The following FKBP15 variants were observed in gnomAD, a reference collection of about 807,000 sequenced individuals.
FKBP15 encodes FKBP prolyl isomerase family member 15, also known as FK506-binding protein 15.
In FKBP15, 106 loss-of-function variants were observed where a neutral mutation model predicts 158.1. That is an observed-to-expected ratio of 0.67 (90% CI 0.57 to 0.79). FKBP15 has a LOEUF of 0.79. Ranked by LOEUF, FKBP15 falls within the 30% of genes least tolerant of loss-of-function variation. The probability of loss-of-function intolerance (pLI) is 0.00; values close to 1 mark genes in which losing one functional copy is unlikely to be tolerated. For synonymous variants in FKBP15, 547 were observed against 548.6 expected (o/e 1.00, Z 0.04); for missense variants, 1,287 against 1,479.1 (o/e 0.87, Z 2.13).
At chr9:113,194,393 G>A (rs2118910543) in intron 9 of FKBP15, among the ~76,000 whole-genome samples, 1 of 149,706 alleles carries the variant, frequency 6.7e-6, no homozygotes, top group East Asian at 2.0e-4. Context: ...ATGTGCACAT[G>A]TACCCTAAAA....
rs112703299 is a variant in FKBP15, at chr9:113,200,040, T to C, written c.499-77A>G. On this transcript the variant is annotated intron_variant, in intron 6 of 27. Coordinates refer to ENST00000238256, the MANE Select transcript of FKBP15 (RefSeq NM_015258.2). ...TCATTCCTTTATTGCTACTGCTCTT[T>C]CTCAAATAGCTTCATCCACTAACAA... The C allele has an allele frequency of 2.8e-3, 4,088 of 1,437,948 alleles. 87 individuals are homozygous for C. In the African/African-American group the frequency reaches 0.05, roughly 17 times the overall value. 89.1% of individuals were successfully genotyped at this position (1,437,948 alleles called of 1,614,324 possible).
chr9:113,210,705 C>A (rs1830984712), intron 2 of FKBP15, among the ~76,000 whole-genome samples: 1 of 152,120 alleles, frequency 6.6e-6, no homozygotes, highest in Non-Finnish European at 1.5e-5. Flanking sequence ...AGTCAGTGGA[C>A]TGGGAAAGGC....
intron 26 of FKBP15, 95 bp from the exon 27 acceptor site, chr9:113,168,651 T>G: frequency 1.9e-6 from 2 of 1,031,086 alleles, no homozygotes; most frequent in Non-Finnish European, 2.9e-6. Flanking sequence ...GGGTAAGAAT[T>G]CAACAGCGTT....
rs1830453380 is a variant in FKBP15 at position 113,184,525 on chromosome 9, T to TA, written c.1609-127dup. Reference sequence around the variant, plus strand: ...CTGGGACAATCTCTAACTGTTAAGTTAGAGTTTTCTCCTACTAACTGGATC... The same window carrying TA: ...CTGGGACAATCTCTAACTGTTAAGTTAAGAGTTTTCTCCTACTAACTGGATC... On this transcript the variant is annotated intron_variant, in intron 16 of 27. Transcript: ENST00000238256. The surrounding 1 kb of genome is among the most constrained non-coding windows in gnomAD (Gnocchi z 4.5). The TA allele has an allele frequency of 5.3e-6, 5 of 940,004 alleles. No homozygotes were observed. Among genetic ancestry groups the TA allele is most frequent in the South Asian group, 4.4e-5 (3 of 68,568 alleles). 58.2% of individuals were successfully genotyped at this position (940,004 alleles called of 1,614,324 possible).
chr9:113,171,690 G>T lies in FKBP15; in HGVS notation c.2549C>A (p.Ala850Asp). 6.3e-7 allele frequency: 1 copy of T among 1,596,658 alleles called. No individual in the cohort carries two copies. The highest frequency in any genetic ancestry group is 8.5e-7 in the Non-Finnish European group (1 of 1,171,236). Residue 850 changes from alanine (A) to aspartate (D), a missense_variant, in exon 24 of 28, where the codon GCC becomes GAC. Ala to Asp is a moderately radical substitution (Grantham distance 126). Coordinates refer to ENST00000238256, the MANE Select transcript of FKBP15 (RefSeq NM_015258.2). ...QLQEKCLALQ[A>D]QITALTKQNE... ...TTGCTTGGTGAGAGCTGTGATTTGGGCCTGGAGGGCTAAACACTGCAAAAC... is the reference window on the plus strand; with the variant it reads ...TTGCTTGGTGAGAGCTGTGATTTGGTCCTGGAGGGCTAAACACTGCAAAAC...
rs940896589 is a variant in FKBP15, at chr9:113,169,846, G to A, written c.2863C>T (p.Pro955Ser). The A allele has an allele frequency of 2.6e-6, 4 of 1,555,484 alleles. No individual in the cohort carries two copies. The Admixed American group carries it at 5.8e-5, about 23-fold the overall frequency. The change falls in exon 26 of 28, where the codon CCT becomes TCT. Residue 955 changes from proline to serine, a missense_variant. Transcript: ENST00000238256. Reference protein sequence around the residue: ...EEKAEERPRRPSQEQSASASS... With the variant: ...EEKAEERPRRSSQEQSASASS... ...GCTGAGGCTGACTGCTCCTGGGAAG[G>A]TCTTCGTGGCCGCTCTTCTGCTTTT...
At position 113,169,778 on chromosome 9, in the gene FKBP15, T is replaced by G; in HGVS notation, c.2931A>C (p.Pro977=). The G allele has an allele frequency of 6.2e-7, 1 of 1,600,174 alleles. No individual in the cohort carries two copies. Among genetic ancestry groups the G allele is most frequent in the Non-Finnish European group, 8.5e-7 (1 of 1,172,912 alleles). The change falls in exon 26 of 28, where the codon CCA becomes CCC. Residue 977 remains proline (P), a synonymous_variant. Transcript: ENST00000238256. ...GCTCTGAGGGCACCATGGGGGACTC[T>G]GGCCTCTCCCTATTCAGGGGTGCTT... is the stretch of plus-strand genomic sequence containing the variant. The part of the protein sequence containing the change: ...QPQAPLNRER[P]ESPMVPSEQV...
chr9:113,218,030 T>C (rs960341840), intron 1 of FKBP15, among the ~76,000 whole-genome samples: 1 of 152,112 alleles, frequency 6.6e-6, no homozygotes, highest in Non-Finnish European at 1.5e-5. Flanking sequence ...TGTTAGACAA[T>C]GCATTTAGTC....
intron 22 of FKBP15, 50 bp downstream of exon 22, chr9:113,174,378 A>G: frequency 6.3e-7 from 1 of 1,578,748 alleles, no homozygotes; most frequent in African/African-American, 1.4e-5. Context: ...TTTCTCTCTG[A>G]GTCCTTCACA....
At chr9:113,166,198 C>T in intron 27 of FKBP15, 43 bp from the exon 28 acceptor site, 3 of 1,536,718 alleles carry the variant, frequency 2.0e-6, no homozygotes, top group South Asian at 2.3e-5. Flanking sequence ...CTTGTGCCTG[C>T]ACCACTGGAC....
intron 20 of FKBP15, 33 bp downstream of exon 20, chr9:113,178,597 C>T (rs1830336830): frequency 6.4e-7 from 1 of 1,552,890 alleles, no homozygotes; most frequent in Non-Finnish European, 8.7e-7. Context: ...GTTTAAATGG[C>T]AACAATCCCA....
Position 113,199,795 on chromosome 9 carries a change from G to T in FKBP15, c.648+19C>A. ...GCTATATAAGTTTACAAAAGAACTTGCAGGGTGCATTTTCTTACCTGGCCC... is the reference window on the plus strand; with the variant it reads ...GCTATATAAGTTTACAAAAGAACTTTCAGGGTGCATTTTCTTACCTGGCCC... On this transcript the variant is annotated intron_variant, in intron 7 of 27. Coordinates refer to ENST00000238256, the MANE Select transcript of FKBP15 (RefSeq NM_015258.2). 2 of 1,606,554 alleles carry T rather than the reference G, an allele frequency of 1.2e-6. No individual in the cohort carries two copies. The highest frequency in any genetic ancestry group is 1.1e-5 in the South Asian group (1 of 89,642).
In FKBP15 at chr9:113,182,747, C is replaced by G. The variant is rs562883871; in HGVS notation, c.1914+19G>C. On this transcript the variant is annotated intron_variant, in intron 19 of 27. Coordinates refer to ENST00000238256, the MANE Select transcript of FKBP15 (RefSeq NM_015258.2). ...TCTACCCATCCTGACCTGGGCTTTT[C>G]TCTCCCCAGTTGCTTTACCTTCTCT... The G allele has an allele frequency of 3.1e-5, 50 of 1,604,898 alleles. No homozygotes were observed. The South Asian group carries it at 4.8e-4, about 16-fold the overall frequency.
rs1830268923 is a variant in FKBP15, at chr9:113,174,516, A to G, written c.2291T>C (p.Ile764Thr). ...RSQAEEEIDE[I>T]RKSYQEELDK... ...CAATTCCTCCTGGTATGACTTGCGA[A>G]TTTCATCTATCTCCTCCTCGGCCTG... is the stretch of plus-strand genomic sequence containing the variant. The change falls in exon 22 of 28, where the codon ATT becomes ACT. Residue 764 changes from isoleucine (I) to threonine (T), a missense_variant. By Grantham distance (89) the Ile-to-Thr change is moderately conservative. Transcript: ENST00000238256. The G allele has an allele frequency of 6.2e-7, 1 of 1,613,844 alleles. No homozygotes were observed. The highest frequency in any genetic ancestry group is 1.3e-5 in the African/African-American group (1 of 74,898).
intron 1 of FKBP15, 71 bp from the exon 2 acceptor site, chr9:113,211,663 C>T: frequency 9.0e-7 from 1 of 1,107,748 alleles, no homozygotes; most frequent in Non-Finnish European, 1.3e-6. Context: ...AAAAGCTGCT[C>T]ATCTCCAACC....
chr9:113,171,791 C>A, intron 23 of FKBP15, 85 bp from the exon 24 acceptor site: 6 of 1,129,808 alleles, frequency 5.3e-6, no homozygotes, highest in Non-Finnish European at 5.7e-6. Context: ...ACCCAAACAT[C>A]AAGTCTCTTT....
chr9:113,190,247 A>T (rs1158814994), intron 12 of FKBP15, among the ~76,000 whole-genome samples: 3 of 152,162 alleles, frequency 2.0e-5, no homozygotes, highest in Non-Finnish European at 4.4e-5. Flanking sequence ...AACTACTGAA[A>T]ACTGCCCAGT....
At chr9:113,178,866 ACCT>A in intron 19 of FKBP15, 65 bp from the exon 20 acceptor site, 1 of 1,437,698 alleles carries the variant, frequency 7.0e-7, no homozygotes. Flanking sequence ...TGATGAACCA[ACCT>A]CACATAACTC....
intron 3 of FKBP15, chr9:113,206,947 C>A: frequency 2.3e-6 from 1 of 440,624 alleles, no homozygotes; most frequent in Non-Finnish European, 4.1e-6. Context: ...ATCTATCATT[C>A]ATGCTATCTC....
Sources: gnomAD v4.1 joint callset for allele counts (sites outside exome capture counted in the v4.1 genomes callset) on GRCh38, gnomAD v4.1.1 for gene constraint, Gnocchi (gnomAD v3.1) non-coding constraint, MANE v1.5 for transcripts, NCBI Gene and HGNC (gene_info 2026-07-23, HGNC 2026-07-21) for gene names.